ACTR1A: variants seen among roughly 807,000 people sequenced by gnomAD.
The protein encoded by ACTR1A is alpha-centractin.
Under a neutral mutation model 50.7 loss-of-function variants are expected in ACTR1A, and 10 were observed. The observed-to-expected ratio is 0.20, with a 90% CI of 0.12 to 0.33. ACTR1A has a LOEUF of 0.33. Among genes scored for constraint, ACTR1A ranks in the 10% least tolerant of loss-of-function variants. The probability of loss-of-function intolerance (pLI) is 1.00; values close to 1 mark genes in which losing one functional copy is unlikely to be tolerated. For missense variants in ACTR1A, 253 were observed against 491.7 expected (o/e 0.51, Z 4.59); for synonymous variants, 177 against 184.2 (o/e 0.96, Z 0.32).
chr10:102,482,156 C>T lies in ACTR1A; in HGVS notation c.770G>A (p.Arg257Gln). Residue 257 changes from arginine (R) to glutamine (Q), a missense_variant, in exon 8 of 11, where the codon CGG becomes CAG. Physicochemically the swap from Arg to Gln is conservative, Grantham distance 43 (BLOSUM62 1). This residue lies in a region of ACTR1A where 116 missense variants were observed against 155.9 expected (regional missense o/e 0.74). Transcript: ENST00000369905. The surrounding 1 kb of genome is among the most constrained non-coding windows in gnomAD (Gnocchi z 5.6). ...TGGCCTGAAGAGCAACTCAGGGGCC[C>T]GGAATCGGGAAGGACCAATCTGCAG... ...STIEIGPSRF[R>Q]APELLFRPDL... 1 of 1,613,244 alleles carries T rather than the reference C, an allele frequency of 6.2e-7. No individual in the cohort carries two copies. Among genetic ancestry groups the T allele is most frequent in the Non-Finnish European group, 8.5e-7 (1 of 1,180,038 alleles).
intron 4 of ACTR1A, among the ~76,000 whole-genome samples, chr10:102,487,792 C>T (rs533049777): frequency 1.4e-4 from 21 of 152,010 alleles, no homozygotes; most frequent in South Asian, 6.2e-4. Flanking sequence ...CCACCACGCC[C>T]GGAGAATTTT....
Position 102,480,623 on chromosome 10 carries a change from T to TGTAG in ACTR1A, c.*239_*240insCTAC. 1.8e-6 allele frequency: 1 copy of TGTAG among 560,766 alleles called. No individual in the cohort carries two copies. The highest frequency in any genetic ancestry group is 3.1e-5 in the Admixed American group (1 of 32,552). 34.7% of individuals were successfully genotyped at this position (560,766 alleles called of 1,614,324 possible). A position where few individuals can be genotyped will look rare whatever the true frequency, so the allele number is the denominator to read the frequency against. On this transcript the variant is annotated 3_prime_UTR_variant, in exon 11 of 11. Transcript: ENST00000369905. Reference sequence around the variant, plus strand: ...GAGGGAGCACAGCCTCTGCCAGCGCTCTTCCCTGTCAGGAGCCAGTTAGTG... The same window carrying TGTAG: ...GAGGGAGCACAGCCTCTGCCAGCGCTGTAGCTTCCCTGTCAGGAGCCAGTTAGTG...
At chr10:102,499,557 GA>G (rs1192762084) in intron 1 of ACTR1A, among the ~76,000 whole-genome samples, 22 of 152,192 alleles carry the variant, frequency 1.4e-4, no homozygotes, top group Middle Eastern at 3.4e-3. Context: ...GAAAGAGAAA[GA>G]AAAAAATTAA....
rs7912625 is a variant in ACTR1A at position 102,485,686 on chromosome 10, C to T, written c.363G>A (p.Arg121=). The T allele has an allele frequency of 1.2e-5, 19 of 1,614,098 alleles. No homozygotes were observed. The highest frequency in any genetic ancestry group is 1.7e-4 in the Middle Eastern group (1 of 5,986). The change falls in exon 5 of 11, where the codon CGG becomes CGA. Residue 121 remains arginine (R), a synonymous_variant. Coordinates refer to ENST00000369905, the MANE Select transcript of ACTR1A (RefSeq NM_005736.4). ...TEAPLNPRKN[R]ERAAEVFFET... ...CGAAGAAAACTTCGGCAGCTCGTTC[C>T]CGGTTTTTTCGTGGGTTTAAAGGCG...
intron 1 of ACTR1A, among the ~76,000 whole-genome samples, chr10:102,495,107 G>A (rs922152849): frequency 6.6e-6 from 1 of 151,900 alleles, no homozygotes; most frequent in Admixed American, 6.6e-5. Flanking sequence ...CACCACACCA[G>A]GCCTACAAAA....
rs2296582 is a variant in ACTR1A, at chr10:102,484,382, G to T, written c.441-6C>A. 0.34 allele frequency: 544,587 copies of T among 1,610,552 alleles called. 93,691 individuals carry two copies. Among genetic ancestry groups the T allele is most frequent in the Admixed American group, 0.39 (23,463 of 59,854 alleles). On this transcript the variant is annotated splice_polypyrimidine_tract_variant and splice_region_variant and intron_variant, in intron 5 of 10. Coordinates refer to ENST00000369905, the MANE Select transcript of ACTR1A (RefSeq NM_005736.4). ...TGGTCCTGCCTGTAGCGTAACTGAA[G>T]CAAAGGGGCAAACCGTCACTCAGCA...
intron 1 of ACTR1A, among the ~76,000 whole-genome samples, chr10:102,492,205 G>A (rs2062198206): frequency 6.6e-6 from 1 of 151,138 alleles, no homozygotes; most frequent in Non-Finnish European, 1.5e-5. Context: ...TGAATAGCTG[G>A]GATTACAGGC....
At chr10:102,489,018 G>T in intron 3 of ACTR1A, 45 bp downstream of exon 3, 1 of 1,408,930 alleles carries the variant, frequency 7.1e-7, no homozygotes, top group Non-Finnish European at 9.5e-7. Flanking sequence ...GAATAATGAA[G>T]GTCCTCTGCT....
chr10:102,483,230 A>G (rs2062152228), intron 6 of ACTR1A, 127 bp from the exon 7 acceptor site: 1 of 763,700 alleles, frequency 1.3e-6, no homozygotes. Flanking sequence ...TGGTCACTAT[A>G]GCTGCTGCCC....
chr10:102,487,920 C>T (rs12267657), intron 4 of ACTR1A, among the ~76,000 whole-genome samples: 6,620 of 152,160 alleles, frequency 0.044, 462 homozygotes, highest in African/African-American at 0.15. Context: ...TGTGAGCCAC[C>T]GCGCCCGGCC....
In ACTR1A at chr10:102,490,606, C is replaced by A. The variant is rs2062187279; in HGVS notation, c.56G>T (p.Gly19Val). The change falls in exon 2 of 11, where the codon GGT becomes GTT. Residue 19 changes from glycine (G) to valine (V), a missense_variant. Physicochemically the swap from Gly to Val is moderately radical, Grantham distance 109. This residue lies in a region of ACTR1A where 96 missense variants were observed against 238.7 expected (regional missense o/e 0.40). Transcript: ENST00000369905. ...NQPVVIDNGSGVIKAGFAGDQ... is the reference protein window; with the variant it reads ...NQPVVIDNGSVVIKAGFAGDQ... ...ACCAGCAAAACCAGCTTTAATCACA[C>A]CGGATCCCTGAGGAAAGAGGAGAGA... 6.2e-7 allele frequency: 1 copy of A among 1,612,914 alleles called. No individual in the cohort carries two copies.
intron 1 of ACTR1A, among the ~76,000 whole-genome samples, chr10:102,496,037 C>G (rs1307379016): frequency 6.6e-6 from 1 of 152,118 alleles, no homozygotes; most frequent in African/African-American, 2.4e-5. Flanking sequence ...GTTCCGCCTC[C>G]CGGGTTCATG....
At chr10:102,500,592 C>CAAAA (rs1208762875) in intron 1 of ACTR1A, among the ~76,000 whole-genome samples, 1 of 145,310 alleles carries the variant, frequency 6.9e-6, no homozygotes, top group East Asian at 2.0e-4. Context: ...AACAAACAAA[C>CAAAA]AAACAAACAA....
At chr10:102,500,825 C>T (rs2062247159) in intron 1 of ACTR1A, among the ~76,000 whole-genome samples, 1 of 152,114 alleles carries the variant, frequency 6.6e-6, no homozygotes, top group Non-Finnish European at 1.5e-5. Flanking sequence ...ATAATCCCAG[C>T]ACTTTGGGAG....
chr10:102,500,592 C>A (rs1452423488), intron 1 of ACTR1A, among the ~76,000 whole-genome samples: 1 of 145,310 alleles, frequency 6.9e-6, no homozygotes, highest in Non-Finnish European at 1.5e-5. Context: ...AACAAACAAA[C>A]AAACAAACAA....
chr10:102,502,148 C>T (rs1001527438), intron 1 of ACTR1A, among the ~76,000 whole-genome samples: 1 of 152,216 alleles, frequency 6.6e-6, no homozygotes, highest in Non-Finnish European at 1.5e-5. Context: ...CCCGCCCCTT[C>T]AAGAGGGAAA....
At chr10:102,484,001 T>C (rs2062154982) in intron 6 of ACTR1A, 159 bp downstream of exon 6, 1 of 631,188 alleles carries the variant, frequency 1.6e-6, no homozygotes, top group South Asian at 1.9e-5. Context: ...AAGGCGAATC[T>C]GTCAGTGTGA....
Position 102,479,639 on chromosome 10 carries a change from G to A in ACTR1A, c.*1224C>T. On this transcript the variant is annotated 3_prime_UTR_variant, in exon 11 of 11. Coordinates refer to ENST00000369905, the MANE Select transcript of ACTR1A (RefSeq NM_005736.4). This position sits in a 1 kb window ranked among gnomAD's most constrained non-coding sequence, Gnocchi z 4.0. ...CCCTCCTTAACCAAGCAGGTCCAAG[G>A]TCAAGAATGGCACAAGATCAGCCCA... The A allele has an allele frequency of 7.8e-7, 1 of 1,289,462 alleles. No individual in the cohort carries two copies. The highest frequency in any genetic ancestry group is 1.2e-5 in the South Asian group (1 of 81,024). 79.9% of individuals were successfully genotyped at this position (1,289,462 alleles called of 1,614,324 possible). A position where few individuals can be genotyped will look rare whatever the true frequency, so the allele number is the denominator to read the frequency against.
At chr10:102,499,096 T>G (rs2062235728) in intron 1 of ACTR1A, among the ~76,000 whole-genome samples, 2 of 152,130 alleles carry the variant, frequency 1.3e-5, no homozygotes, top group South Asian at 4.2e-4. Context: ...GGAAAGGCTG[T>G]GAACTTAATG....
Sources: gnomAD v4.1 joint callset for allele counts (sites outside exome capture counted in the v4.1 genomes callset) on GRCh38, gnomAD v4.1.1 for gene constraint, gnomAD v4.1.1 regional missense constraint, Gnocchi (gnomAD v3.1) non-coding constraint, MANE v1.5 for transcripts, NCBI Gene and HGNC (gene_info 2026-07-23, HGNC 2026-07-21) for gene names.